BIRC3: variants seen among roughly 807,000 people sequenced by gnomAD.
BIRC3 encodes the protein baculoviral IAP repeat containing 3, also known as baculoviral IAP repeat-containing protein 3.
Under a neutral mutation model 59.0 loss-of-function variants are expected in BIRC3, and 26 were observed. The observed-to-expected ratio is 0.44, with a 90% CI of 0.32 to 0.61. BIRC3 has a LOEUF of 0.61. Among genes scored for constraint, BIRC3 ranks in the 20% least tolerant of loss-of-function variants. The probability of loss-of-function intolerance (pLI) is 0.04; values close to 1 mark genes in which losing one functional copy is unlikely to be tolerated. For synonymous variants in BIRC3, 243 were observed against 249.2 expected (o/e 0.98, Z 0.24); for missense variants, 641 against 711.5 (o/e 0.90, Z 1.13).
intron 1 of BIRC3, chr11:102,320,219 G>T (rs1400421091): frequency 1.3e-5 from 2 of 152,018 alleles, no homozygotes; most frequent in African/African-American, 4.8e-5. Flanking sequence ...AACTCAAATG[G>T]AGGTGATATA....
At chr11:102,326,594 C>T (rs1591521290) in intron 3 of BIRC3, 1 of 357,688 alleles carries the variant, frequency 2.8e-6, no homozygotes, top group Non-Finnish European at 5.5e-6. Context: ...CAACCCGTTT[C>T]CCATTTGCCC....
At chr11:102,327,815 T>C (rs935868077) in intron 3 of BIRC3, among the ~76,000 whole-genome samples, 3 of 152,118 alleles carry the variant, frequency 2.0e-5, no homozygotes, top group Admixed American at 1.3e-4. Flanking sequence ...GGGTTAGTTT[T>C]AGAAAAAAAG....
Position 102,325,128 on chromosome 11 carries a change from G to T in BIRC3, c.619G>T (p.Ala207Ser), listed in dbSNP as rs76109257. ...IGPGDRVACFACGGKLSNWEP... is the reference protein window; with the variant it reads ...IGPGDRVACFSCGGKLSNWEP... ...ACCTGGAGACAGAGTGGCTTGCTTT[G>T]CCTGTGGTGGAAAATTGAGCAATTG... Residue 207 changes from alanine to serine, a missense_variant, in exon 2 of 9, where the codon GCC (alanine) becomes TCC (serine). Transcript: ENST00000263464. 1.2e-6 allele frequency: 2 copies of T among 1,614,122 alleles called. No individual in the cohort carries two copies. Among genetic ancestry groups the T allele is most frequent in the Non-Finnish European group, 8.5e-7 (1 of 1,180,010 alleles).
chr11:102,320,705 AC>A (rs1171264187), intron 1 of BIRC3, among the ~76,000 whole-genome samples: 1 of 152,174 alleles, frequency 6.6e-6, no homozygotes, highest in Non-Finnish European at 1.5e-5. Context: ...CATTTTTGTT[AC>A]TTTTGATGGA....
chr11:102,328,418 T>C (rs921680587), intron 4 of BIRC3, among the ~76,000 whole-genome samples: 3 of 152,210 alleles, frequency 2.0e-5, no homozygotes, highest in Non-Finnish European at 4.4e-5. Flanking sequence ...TTTCACTATA[T>C]AAATTTTCCT....
chr11:102,326,640 T>C, intron 3 of BIRC3: 1 of 446,230 alleles, frequency 2.2e-6, no homozygotes, highest in Non-Finnish European at 4.5e-6. Context: ...TGCACTGTTT[T>C]TTTTCTAAAT....
In BIRC3 at chr11:102,322,431, C is replaced by T; in HGVS notation, c.-2079C>T. On this transcript the variant is annotated 5_prime_UTR_variant, in exon 2 of 9. Coordinates refer to ENST00000263464, the MANE Select transcript of BIRC3 (RefSeq NM_001165.5). ...AGAAATTATCCAGTTATTTACAAGG[C>T]CACTGATATTTTAAACGTCCAAAAG... 9.7e-6 allele frequency: 2 copies of T among 206,780 alleles called. No homozygotes were observed. Among genetic ancestry groups the T allele is most frequent in the Non-Finnish European group, 2.0e-5 (2 of 101,276 alleles). 12.8% of individuals were successfully genotyped at this position (206,780 alleles called of 1,614,324 possible).
chr11:102,331,038 C>T lies in BIRC3; in HGVS notation c.1121C>T (p.Ala374Val). Residue 374 changes from alanine (A) to valine (V), a missense_variant, in exon 6 of 9, where the codon GCA becomes GTA. Ala to Val is a moderately conservative substitution (Grantham distance 64, BLOSUM62 0). Transcript: ENST00000263464. Reference sequence around the variant, plus strand: ...CCTGGAGAAGACCATTCAGAAGATGCAATCATGATGAATACTCCTGTGATT... The same window carrying T: ...CCTGGAGAAGACCATTCAGAAGATGTAATCATGATGAATACTCCTGTGATT... Reference protein sequence around the residue: ...FEPGEDHSEDAIMMNTPVINA... With the variant: ...FEPGEDHSEDVIMMNTPVINA... 5 of 1,613,554 alleles carry T rather than the reference C, an allele frequency of 3.1e-6. No homozygotes were observed. Among genetic ancestry groups the T allele is most frequent in the Non-Finnish European group, 4.2e-6 (5 of 1,179,710 alleles).
chr11:102,334,410 A>T (rs1951175769), intron 6 of BIRC3, among the ~76,000 whole-genome samples: 1 of 151,914 alleles, frequency 6.6e-6, no homozygotes, highest in Non-Finnish European at 1.5e-5. Context: ...AGCTTCCATT[A>T]TTTTCAAAAT....
intron 5 of BIRC3, 71 bp from the exon 6 acceptor site, chr11:102,330,928 T>C: frequency 1.4e-6 from 2 of 1,435,444 alleles, no homozygotes; most frequent in Non-Finnish European, 1.9e-6. Flanking sequence ...ATTTTTGATT[T>C]CATTTCAAAT....
intron 5 of BIRC3, among the ~76,000 whole-genome samples, chr11:102,330,181 T>C (rs954134457): frequency 3.9e-5 from 6 of 151,986 alleles, no homozygotes; most frequent in Non-Finnish European, 8.8e-5. Context: ...GAGTGACAAA[T>C]GGAAGAAAAG....
At position 102,330,358 on chromosome 11, in the gene BIRC3, T is replaced by A. The variant is rs569698649; in HGVS notation, c.1082-641T>A. 6.9e-4 allele frequency among the ~76,000 whole-genome samples: 105 copies of A among 152,292 alleles called. 5 individuals are homozygous for A. In the South Asian group the frequency reaches 0.022, roughly 31 times the overall value. On this transcript the variant is annotated intron_variant, in intron 5 of 8. Transcript: ENST00000263464. ...GAGTGGTCAGCACTACAGGCAGAATTGACACTAGAGCCATCAGTTTGTGAC... is the reference window on the plus strand; with the variant it reads ...GAGTGGTCAGCACTACAGGCAGAATAGACACTAGAGCCATCAGTTTGTGAC...
chr11:102,336,983 T>A lies in BIRC3; in HGVS notation c.1696T>A (p.Ser566Thr). The A allele has an allele frequency of 6.2e-7, 1 of 1,603,856 alleles. No individual in the cohort carries two copies. The highest frequency in any genetic ancestry group is 8.5e-7 in the Non-Finnish European group (1 of 1,177,860). Reference sequence around the variant, plus strand: ...TAAAGTGTGTATGGACAAAGAAGTGTCCATAGTGTTTATTCCTTGTGGTCA... The same window carrying A: ...TAAAGTGTGTATGGACAAAGAAGTGACCATAGTGTTTATTCCTTGTGGTCA... Reference protein sequence around the residue: ...TCKVCMDKEVSIVFIPCGHLV... With the variant: ...TCKVCMDKEVTIVFIPCGHLV... Residue 566 changes from serine to threonine, a missense_variant, in exon 9 of 9, where the codon TCC (serine) becomes ACC (threonine). This residue lies in a region of BIRC3 where 41 missense variants were observed against 73.4 expected (regional missense o/e 0.56). Transcript: ENST00000263464.
At chr11:102,317,787 AG>A in intron 1 of BIRC3, among the ~76,000 whole-genome samples, 1 of 152,328 alleles carries the variant, frequency 6.6e-6, no homozygotes, top group East Asian at 1.9e-4. Context: ...GATAGGTTCC[AG>A]GTGCTCAATT....
rs769259727 is a variant in BIRC3 at position 102,328,860 on chromosome 11, A to G, written c.1033-37A>G. 5.3e-5 allele frequency: 27 copies of G among 510,684 alleles called. 1 individual carries two copies. In the East Asian group the frequency reaches 7.5e-4, roughly 14 times the overall value. The allele number at this position is 510,684 out of a possible 1,614,324, so 31.6% of individuals were successfully genotyped here. ...TAAGATAAGATTTCTATTTTAATTT[A>G]TATATATATATATATATATATTTTT... On this transcript the variant is annotated intron_variant, in intron 4 of 8. Coordinates refer to ENST00000263464, the MANE Select transcript of BIRC3 (RefSeq NM_001165.5).
chr11:102,329,156 C>G (rs557616554), intron 5 of BIRC3, among the ~76,000 whole-genome samples: 1 of 152,268 alleles, frequency 6.6e-6, no homozygotes, highest in South Asian at 2.1e-4. Flanking sequence ...CCAGTTTCTA[C>G]TTCAGACCTA....
At position 102,322,777 on chromosome 11, in the gene BIRC3, TAAAAAAA is replaced by T. The variant is rs5794162; in HGVS notation, c.-1713_-1707del. The T allele has an allele frequency of 2.1e-4, 14 of 66,568 alleles. No homozygotes were observed. Among genetic ancestry groups the T allele is most frequent in the East Asian group, 8.1e-4 (3 of 3,692 alleles). The allele number at this position is 66,568 out of a possible 1,614,324, so 4.1% of individuals were successfully genotyped here. A position where few individuals can be genotyped will look rare whatever the true frequency, so the allele number is the denominator to read the frequency against. On this transcript the variant is annotated 5_prime_UTR_variant, in exon 2 of 9. Transcript: ENST00000263464. Reference sequence around the variant, plus strand: ...GGAAACCATGCTTGCAAACCACTGGTAAAAAAAAAAAAAAAAAAAAAAAAAAGCCACA... The same window carrying T: ...GGAAACCATGCTTGCAAACCACTGGTAAAAAAAAAAAAAAAAAAAGCCACA...
At chr11:102,332,189 C>G (rs75291958) in intron 6 of BIRC3, among the ~76,000 whole-genome samples, 1 of 152,312 alleles carries the variant, frequency 6.6e-6, no homozygotes, top group African/African-American at 2.4e-5. Flanking sequence ...CTTCTGGGCA[C>G]ATACATTCTC....
chr11:102,331,319 T>TAGC (rs1951137033), intron 6 of BIRC3, 78 bp downstream of exon 6: 1 of 1,361,272 alleles, frequency 7.3e-7, no homozygotes, highest in South Asian at 1.8e-5. Context: ...TATACTCATC[T>TAGC]AGCATATCTG....
Sources: gnomAD v4.1 joint callset for allele counts (sites outside exome capture counted in the v4.1 genomes callset) on GRCh38, gnomAD v4.1.1 for gene constraint, gnomAD v4.1.1 regional missense constraint, MANE v1.5 for transcripts, NCBI Gene and HGNC (gene_info 2026-07-23, HGNC 2026-07-21) for gene names.